The following SLC44A5 variants were observed in gnomAD, a reference collection of about 807,000 sequenced individuals.
The protein encoded by SLC44A5 is solute carrier family 44 member 5.
Under a neutral mutation model 101.8 loss-of-function variants are expected in SLC44A5, and 57 were observed. The ratio of observed to expected loss-of-function variants is 0.56; its 90% confidence interval spans 0.45 to 0.70. The LOEUF (loss-of-function observed/expected upper bound fraction) is 0.70, where lower values mean the gene tolerates loss of function less well. Among genes scored for constraint, SLC44A5 ranks in the 30% least tolerant of loss-of-function variants. The probability of loss-of-function intolerance (pLI) is 0.00; values close to 1 mark genes in which losing one functional copy is unlikely to be tolerated. For synonymous variants in SLC44A5, 281 were observed against 290.9 expected (o/e 0.97, Z 0.35); for missense variants, 737 against 853.1 (o/e 0.86, Z 1.70).
intron 2 of SLC44A5, among the ~76,000 whole-genome samples, chr1:75,474,575 G>C (rs564381299): frequency 6.6e-6 from 1 of 152,108 alleles, no homozygotes; most frequent in Non-Finnish European, 1.5e-5. Flanking sequence ...AGACATTTAC[G>C]TGTAATGTTA....
chr1:75,544,211 T>A, intron 1 of SLC44A5, among the ~76,000 whole-genome samples: 1 of 152,154 alleles, frequency 6.6e-6, no homozygotes, highest in East Asian at 1.9e-4. Context: ...ATTTGTTGCT[T>A]ACTTTCTCCC....
chr1:75,398,362 C>T (rs1485156106), intron 2 of SLC44A5: 2 of 985,284 alleles, frequency 2.0e-6, no homozygotes, highest in Non-Finnish European at 2.4e-6. Flanking sequence ...CACCTGCAGA[C>T]CCAGTCCCAT....
At chr1:75,549,831 A>G (rs2101976990) in intron 1 of SLC44A5, among the ~76,000 whole-genome samples, 1 of 152,296 alleles carries the variant, frequency 6.6e-6, no homozygotes, top group South Asian at 2.1e-4. Context: ...TATTTCAGAC[A>G]AGGAACCAGC....
At chr1:75,415,138 G>A (rs188721476) in intron 2 of SLC44A5, among the ~76,000 whole-genome samples, 26 of 152,168 alleles carry the variant, frequency 1.7e-4, no homozygotes, top group Admixed American at 1.4e-3. Context: ...ATATTTGACG[G>A]GTAAAAGTGA....
the SLC44A5 span, among the ~76,000 whole-genome samples, chr1:75,625,030 C>G: frequency 2.0e-5 from 3 of 152,064 alleles, no homozygotes; most frequent in African/African-American, 7.2e-5. Context: ...CTCTCAGCTA[C>G]TGATGTTCCA....
At chr1:75,670,509 T>C in the SLC44A5 span, among the ~76,000 whole-genome samples, 1 of 152,128 alleles carries the variant, frequency 6.6e-6, no homozygotes, top group Non-Finnish European at 1.5e-5. Flanking sequence ...AAAACTAAAG[T>C]TATTTTGTTT....
chr1:75,326,416 T>G (rs916072183), intron 4 of SLC44A5, among the ~76,000 whole-genome samples: 7 of 152,004 alleles, frequency 4.6e-5, no homozygotes, highest in African/African-American at 1.7e-4. Flanking sequence ...GAAAGTCCTA[T>G]TTTGCTCTTC....
intron 4 of SLC44A5, among the ~76,000 whole-genome samples, chr1:75,311,333 T>C (rs558082991): frequency 6.6e-6 from 1 of 152,194 alleles, no homozygotes; most frequent in Admixed American, 6.5e-5. Flanking sequence ...GCCACGCTGG[T>C]CTCGAACTCC....
intron 6 of SLC44A5, among the ~76,000 whole-genome samples, chr1:75,268,557 T>C (rs987932154): frequency 6.6e-6 from 1 of 152,188 alleles, no homozygotes; most frequent in Non-Finnish European, 1.5e-5. Flanking sequence ...TGGGATATAA[T>C]AGGGGCTCAG....
intron 4 of SLC44A5, among the ~76,000 whole-genome samples, chr1:75,319,575 T>G (rs1477435527): frequency 6.6e-6 from 1 of 152,238 alleles, no homozygotes; most frequent in Non-Finnish European, 1.5e-5. Context: ...ACCCAAGTTC[T>G]GCCTTTTTTT....
intron 22 of SLC44A5, 140 bp from the exon 23 acceptor site, chr1:75,211,692 G>A: frequency 1.8e-6 from 1 of 552,124 alleles, no homozygotes; most frequent in Admixed American, 3.4e-5. Flanking sequence ...AGACCAAAAA[G>A]TTCAATGATA....
intron 5 of SLC44A5, among the ~76,000 whole-genome samples, chr1:75,297,016 G>A (rs957627915): frequency 7.2e-5 from 11 of 152,148 alleles, no homozygotes; most frequent in African/African-American, 2.7e-4. Context: ...AGCTGAGCCT[G>A]TTGGCCAGGA....
chr1:75,248,381 G>A (rs908880033), intron 7 of SLC44A5, among the ~76,000 whole-genome samples: 1 of 152,124 alleles, frequency 6.6e-6, no homozygotes, highest in Admixed American at 6.6e-5. Flanking sequence ...AATTATGCAA[G>A]AGGATGAGAT....
At chr1:75,312,693 A>G (rs952892403) in intron 4 of SLC44A5, among the ~76,000 whole-genome samples, 6 of 150,732 alleles carry the variant, frequency 4.0e-5, no homozygotes, top group Non-Finnish European at 5.9e-5. Context: ...TAATCTATTC[A>G]TTATTATATA....
chr1:75,631,000 C>G, the SLC44A5 span, among the ~76,000 whole-genome samples: 124 of 152,326 alleles, frequency 8.1e-4, no homozygotes, highest in East Asian at 0.014. Context: ...GCAATTTCCA[C>G]TTCTCCGAGC....
chr1:75,242,708 T>A (rs1648744532), intron 8 of SLC44A5, among the ~76,000 whole-genome samples, 178 bp downstream of exon 8: 1 of 152,162 alleles, frequency 6.6e-6, no homozygotes, highest in Non-Finnish European at 1.5e-5. Context: ...TACAAAATGA[T>A]GTGCTATAAC....
At chr1:75,680,257 C>A in the SLC44A5 span, among the ~76,000 whole-genome samples, 6 of 151,326 alleles carry the variant, frequency 4.0e-5, no homozygotes, top group Admixed American at 6.6e-5. Flanking sequence ...CTGCACCAAG[C>A]GGACCTAATA....
chr1:75,569,337 C>T (rs1422543369), intron 1 of SLC44A5, among the ~76,000 whole-genome samples: 1 of 149,928 alleles, frequency 6.7e-6, no homozygotes, highest in East Asian at 2.0e-4. Flanking sequence ...ACCTCCCAGG[C>T]TCAGGTGATC....
chr1:75,632,961 T>C, the SLC44A5 span, among the ~76,000 whole-genome samples: 4 of 152,206 alleles, frequency 2.6e-5, no homozygotes, highest in Admixed American at 6.5e-5. Context: ...CTGGTAGTAG[T>C]TGTGATTAAT....
Sources: allele counts gnomAD v4.1 joint callset (sites outside exome capture counted in the v4.1 genomes callset), GRCh38; gene constraint gnomAD v4.1.1; transcripts MANE v1.5; gene names NCBI Gene and HGNC (gene_info 2026-07-23, HGNC 2026-07-21).